The following SLC25A11 variants were observed in gnomAD, a reference collection of about 807,000 sequenced individuals.
SLC25A11 encodes solute carrier family 25 member 11.
SLC25A11 carries 11 observed loss-of-function variants against 32.7 expected under a neutral mutation model. The observed-to-expected ratio is 0.34, with a 90% CI of 0.21 to 0.56. SLC25A11 has a LOEUF of 0.56. SLC25A11 is among the 20% of genes least tolerant of loss of function. The probability of loss-of-function intolerance (pLI) is 0.90; values close to 1 mark genes in which losing one functional copy is unlikely to be tolerated. For missense variants in SLC25A11, 295 were observed against 426.3 expected, an observed-to-expected ratio of 0.69 and a Z score of 2.71; for synonymous variants, 163 against 168.3, an observed-to-expected ratio of 0.97 and a Z score of 0.24.
In SLC25A11 at chr17:4,937,627, G is replaced by T; in HGVS notation, c.*114C>A. The T allele has an allele frequency of 7.6e-7, 1 of 1,308,330 alleles. No homozygotes were observed. The highest frequency in any genetic ancestry group is 1.0e-6 in the Non-Finnish European group (1 of 962,008). 81.0% of individuals were successfully genotyped at this position (1,308,330 alleles called of 1,614,324 possible). On this transcript the variant is annotated 3_prime_UTR_variant, in exon 8 of 8. Transcript: ENST00000225665. ...ACAGACCAAGTCCTTTACCGCAGAG[G>T]AAGAAACCACACTGTGGAAGGGAAA... is the stretch of plus-strand genomic sequence containing the variant.
At position 4,938,743 on chromosome 17, in the gene SLC25A11, G is replaced by GGGTTA; in HGVS notation, c.455+21_455+25dup. Reference sequence around the variant, plus strand: ...TTCTAGATTCGAGGGAATGGGGCTGGGGTTAGGTTCAGACTTGGAACTCAC... The same window carrying GGGTTA: ...TTCTAGATTCGAGGGAATGGGGCTGGGGTTAGGTTAGGTTCAGACTTGGAACTCAC... On this transcript the variant is annotated intron_variant, in intron 3 of 7. Transcript: ENST00000225665. This position sits in a 1 kb window ranked among gnomAD's most constrained non-coding sequence, Gnocchi z 7.6. 6.2e-7 allele frequency: 1 copy of GGGTTA among 1,601,214 alleles called. No individual in the cohort carries two copies. Among genetic ancestry groups the GGGTTA allele is most frequent in the Non-Finnish European group, 8.5e-7 (1 of 1,170,898 alleles).
Position 4,937,658 on chromosome 17 carries a change from AG to A in SLC25A11, c.*82del. On this transcript the variant is annotated 3_prime_UTR_variant, in exon 8 of 8. Coordinates refer to ENST00000225665, the MANE Select transcript of SLC25A11 (RefSeq NM_003562.5). ...ACCACACTGTGGAAGGGAAATAAAT[AG>A]AGGGGTCCAGGGCAGCAGAGCCCAG... The A allele has an allele frequency of 6.9e-7, 1 of 1,459,740 alleles. No homozygotes were observed. The highest frequency in any genetic ancestry group is 2.4e-4 in the Middle Eastern group (1 of 4,140). 90.4% of individuals were successfully genotyped at this position (1,459,740 alleles called of 1,614,324 possible).
Position 4,938,083 on chromosome 17 carries a change from G to C in SLC25A11, c.738-9C>G, listed in dbSNP as rs780731260. 3 of 1,614,176 alleles carry C rather than the reference G, an allele frequency of 1.9e-6. No homozygotes were observed. Among genetic ancestry groups the C allele is most frequent in the Non-Finnish European group, 2.5e-6 (3 of 1,180,040 alleles). On this transcript the variant is annotated splice_polypyrimidine_tract_variant and intron_variant, in intron 6 of 7. Coordinates refer to ENST00000225665, the MANE Select transcript of SLC25A11 (RefSeq NM_003562.5). This position sits in a 1 kb window ranked among gnomAD's most constrained non-coding sequence, Gnocchi z 7.6. Reference sequence around the variant, plus strand: ...TCCGCATGTTCTGGATTCTGCAGGAGAGGACGCAGGGGCATGAGAGACCGA... The same window carrying C: ...TCCGCATGTTCTGGATTCTGCAGGACAGGACGCAGGGGCATGAGAGACCGA...
rs1041234642 is a variant in SLC25A11 at position 4,938,347 on chromosome 17, A to G, written c.629T>C (p.Leu210Pro). Residue 210 changes from leucine (L) to proline (P), a missense_variant, in exon 5 of 8, where the codon CTG becomes CCG. This residue lies in a region of SLC25A11 where 142 missense variants were observed against 197.8 expected (regional missense o/e 0.72). Transcript: ENST00000225665. The surrounding 1 kb of genome is among the most constrained non-coding windows in gnomAD (Gnocchi z 7.6). Reference sequence around the variant, plus strand: ...CCAGCTCTGGATCTCACCTGAGTCCAGTAAGAACTGCTTGGATTGGGAGTA... The same window carrying G: ...CCAGCTCTGGATCTCACCTGAGTCCGGTAAGAACTGCTTGGATTGGGAGTA... ...ASYSQSKQFL[L>P]DSGYFSDNIL... 1 of 1,614,164 alleles carries G rather than the reference A, an allele frequency of 6.2e-7. No individual in the cohort carries two copies.
Position 4,938,531 on chromosome 17 carries a change from C to T in SLC25A11, c.527G>A (p.Gly176Asp). 6.2e-7 allele frequency: 1 copy of T among 1,614,072 alleles called. No homozygotes were observed. Among genetic ancestry groups the T allele is most frequent in the Non-Finnish European group, 8.5e-7 (1 of 1,179,952 alleles). Residue 176 changes from glycine to aspartate, a missense_variant, in exon 4 of 8, where the codon GGT becomes GAT. Physicochemically the swap from Gly to Asp is moderately conservative, Grantham distance 94. Around this residue, in one of 3 missense-constraint regions of SLC25A11, gnomAD observed 142 missense variants for 197.8 expected, o/e 0.72. Coordinates refer to ENST00000225665, the MANE Select transcript of SLC25A11 (RefSeq NM_003562.5). This position sits in a 1 kb window ranked among gnomAD's most constrained non-coding sequence, Gnocchi z 7.6. ...NALIRITREE[G>D]VLTLWRGCIP... ...ACTCACCCGCCACAGTGTGAGGACA[C>T]CCTCTTCCCGGGTGATTCGAATCAG... is the stretch of plus-strand genomic sequence containing the variant.
Position 4,939,831 on chromosome 17 carries a change from A to G in SLC25A11, c.80T>C (p.Phe27Ser). The G allele has an allele frequency of 1.2e-6, 2 of 1,612,570 alleles. No homozygotes were observed. Among genetic ancestry groups the G allele is most frequent in the Non-Finnish European group, 8.5e-7 (1 of 1,179,576 alleles). ...CTGAGCTTACCCGGCCAGGCCCCCAAACAGGAACTTGACGGACTTAGGGGA... is the reference window on the plus strand; with the variant it reads ...CTGAGCTTACCCGGCCAGGCCCCCAGACAGGAACTTGACGGACTTAGGGGA... ...RTSPKSVKFL[F>S]GGLAGMGATV... The change falls in exon 1 of 8, where the codon TTT becomes TCT. Residue 27 changes from phenylalanine to serine, a missense_variant. Transcript: ENST00000225665. This position sits in a 1 kb window ranked among gnomAD's most constrained non-coding sequence, Gnocchi z 4.1.
At position 4,937,702 on chromosome 17, in the gene SLC25A11, G is replaced by C. The variant is rs974738765; in HGVS notation, c.*39C>G. The C allele has an allele frequency of 6.4e-7, 1 of 1,573,784 alleles. No homozygotes were observed. Among genetic ancestry groups the C allele is most frequent in the Non-Finnish European group, 8.6e-7 (1 of 1,161,228 alleles). ...GAGCCCAGGCCCCCAGGGCGCAGTG[G>C]CTATAGGCGCAGCAGGCGAGTGGGA... is the stretch of plus-strand genomic sequence containing the variant. On this transcript the variant is annotated 3_prime_UTR_variant, in exon 8 of 8. Coordinates refer to ENST00000225665, the MANE Select transcript of SLC25A11 (RefSeq NM_003562.5).
At position 4,939,206 on chromosome 17, in the gene SLC25A11, T is replaced by C. The variant is rs1316851041; in HGVS notation, c.102A>G (p.Gly34=). 6.2e-7 allele frequency: 1 copy of C among 1,604,196 alleles called. No individual in the cohort carries two copies. Among genetic ancestry groups the C allele is most frequent in the Non-Finnish European group, 8.5e-7 (1 of 1,171,854 alleles). Residue 34 remains glycine (G), a synonymous_variant, in exon 2 of 8, where the codon GGA becomes GGG. Coordinates refer to ENST00000225665, the MANE Select transcript of SLC25A11 (RefSeq NM_003562.5). This position sits in a 1 kb window ranked among gnomAD's most constrained non-coding sequence, Gnocchi z 4.1. ...KFLFGGLAGM[G]ATVFVQPLDL... is the part of the protein sequence containing the mutation. ...CCAGGGGCTGGACAAAAACTGTAGC[T>C]CCCATCCTGGGGGAAGACAGAGGTG...
chr17:4,937,677 G>A lies in SLC25A11; in HGVS notation c.*64C>T, dbSNP rs1970455134. The A allele has an allele frequency of 1.3e-6, 2 of 1,518,334 alleles. No homozygotes were observed. The highest frequency in any genetic ancestry group is 1.4e-5 in the African/African-American group (1 of 71,748). The allele number at this position is 1,518,334 out of a possible 1,614,324, so 94.1% of individuals were successfully genotyped here. A position where few individuals can be genotyped will look rare whatever the true frequency, so the allele number is the denominator to read the frequency against. Reference sequence around the variant, plus strand: ...ATAAATAGAGGGGTCCAGGGCAGCAGAGCCCAGGCCCCCAGGGCGCAGTGG... The same window carrying A: ...ATAAATAGAGGGGTCCAGGGCAGCAAAGCCCAGGCCCCCAGGGCGCAGTGG... On this transcript the variant is annotated 3_prime_UTR_variant, in exon 8 of 8. Transcript: ENST00000225665.
chr17:4,938,724 A>G lies in SLC25A11; in HGVS notation c.455+45T>C. Reference sequence around the variant, plus strand: ...TAAAAAACTGGTCCTTTCATTCTAGATTCGAGGGAATGGGGCTGGGGTTAG... The same window carrying G: ...TAAAAAACTGGTCCTTTCATTCTAGGTTCGAGGGAATGGGGCTGGGGTTAG... On this transcript the variant is annotated intron_variant, in intron 3 of 7. Transcript: ENST00000225665. The surrounding 1 kb of genome is among the most constrained non-coding windows in gnomAD (Gnocchi z 7.6). The G allele has an allele frequency of 6.3e-7, 1 of 1,596,440 alleles. No individual in the cohort carries two copies. The highest frequency in any genetic ancestry group is 8.6e-7 in the Non-Finnish European group (1 of 1,167,042).
At position 4,938,349 on chromosome 17, in the gene SLC25A11, T is replaced by C. The variant is rs752577712; in HGVS notation, c.627A>G (p.Leu209=). ...LASYSQSKQF[L]LDSGYFSDNI... is the part of the protein sequence containing the mutation. ...AGCTCTGGATCTCACCTGAGTCCAGTAAGAACTGCTTGGATTGGGAGTAGG... is the reference window on the plus strand; with the variant it reads ...AGCTCTGGATCTCACCTGAGTCCAGCAAGAACTGCTTGGATTGGGAGTAGG... Residue 209 remains leucine (L), a synonymous_variant, in exon 5 of 8, where the codon TTA becomes TTG. Coordinates refer to ENST00000225665, the MANE Select transcript of SLC25A11 (RefSeq NM_003562.5). This position sits in a 1 kb window ranked among gnomAD's most constrained non-coding sequence, Gnocchi z 7.6. The C allele has an allele frequency of 9.9e-6, 16 of 1,613,996 alleles. No homozygotes were observed. Among genetic ancestry groups the C allele is most frequent in the Admixed American group, 1.7e-5 (1 of 60,008 alleles).
Position 4,939,921 on chromosome 17 carries a change from T to C in SLC25A11, c.-11A>G, listed in dbSNP as rs541501786. 7 of 1,606,564 alleles carry C rather than the reference T, an allele frequency of 4.4e-6. No homozygotes were observed. The highest frequency in any genetic ancestry group is 2.3e-5 in the East Asian group (1 of 44,354). ...CGCCGTCGCCGCCATCGCCACTCAA[T>C]GGCCCTCGGCTCCGGGTCCCGTGCG... On this transcript the variant is annotated 5_prime_UTR_variant, in exon 1 of 8. Coordinates refer to ENST00000225665, the MANE Select transcript of SLC25A11 (RefSeq NM_003562.5). This position sits in a 1 kb window ranked among gnomAD's most constrained non-coding sequence, Gnocchi z 4.1.
Position 4,938,586 on chromosome 17 carries a change from G to A in SLC25A11, c.472C>T (p.Arg158Cys), listed in dbSNP as rs371448058. ...TADGRLPADQ[R>C]RGYKNVFNAL... is the part of the protein sequence containing the mutation. ...TTAAACACATTTTTGTAGCCACGGC[G>A]CTGGTCAGCTGGAAGCCTGGTGGGA... is the stretch of plus-strand genomic sequence containing the variant. The change falls in exon 4 of 8, where the codon CGC becomes TGC. Residue 158 changes from arginine to cysteine, a missense_variant. Around this residue, in one of 3 missense-constraint regions of SLC25A11, gnomAD observed 49 missense variants for 106.9 expected, o/e 0.46. Transcript: ENST00000225665. The surrounding 1 kb of genome is among the most constrained non-coding windows in gnomAD (Gnocchi z 7.6). 5.0e-6 allele frequency: 8 copies of A among 1,614,036 alleles called. No homozygotes were observed. The highest frequency in any genetic ancestry group is 4.5e-5 in the East Asian group (2 of 44,886).
chr17:4,937,981 G>C (rs778734764), intron 7 of SLC25A11, 42 bp downstream of exon 7: 4 of 1,613,222 alleles, frequency 2.5e-6, no homozygotes, highest in South Asian at 1.1e-5. Flanking sequence ...TTTCCCAGGG[G>C]ATCCGACACC....
In SLC25A11 at chr17:4,940,030, GA is replaced by G. The variant is rs1970623773; in HGVS notation, c.-121del. 8.1e-6 allele frequency: 5 copies of G among 618,258 alleles called. No homozygotes were observed. The highest frequency in any genetic ancestry group is 1.0e-5 in the Non-Finnish European group (4 of 395,288). 38.3% of individuals were successfully genotyped at this position (618,258 alleles called of 1,614,324 possible). A position where few individuals can be genotyped will look rare whatever the true frequency, so the allele number is the denominator to read the frequency against. ...GCACGCCCCTCCAGCTCTCAGGTCC[GA>G]CACCCGCTGGAAGCCGGCGCGGGCG... On this transcript the variant is annotated 5_prime_UTR_variant, in exon 1 of 8. Transcript: ENST00000225665.
Position 4,937,697 on chromosome 17 carries a change from C to A in SLC25A11, c.*44G>T. ...CAGCAGAGCCCAGGCCCCCAGGGCGCAGTGGCTATAGGCGCAGCAGGCGAG... is the reference window on the plus strand; with the variant it reads ...CAGCAGAGCCCAGGCCCCCAGGGCGAAGTGGCTATAGGCGCAGCAGGCGAG... On this transcript the variant is annotated 3_prime_UTR_variant, in exon 8 of 8. Coordinates refer to ENST00000225665, the MANE Select transcript of SLC25A11 (RefSeq NM_003562.5). 1 of 1,557,000 alleles carries A rather than the reference C, an allele frequency of 6.4e-7. No individual in the cohort carries two copies. The highest frequency in any genetic ancestry group is 8.7e-7 in the Non-Finnish European group (1 of 1,153,910).
In SLC25A11 at chr17:4,940,045, C is replaced by G. The variant is rs75665547; in HGVS notation, c.-135G>C. The G allele has an allele frequency of 0.022, 12,204 of 547,210 alleles. 168 individuals carry two copies. The highest frequency in any genetic ancestry group is 0.042 in the African/African-American group (2,100 of 49,934). 33.9% of individuals were successfully genotyped at this position (547,210 alleles called of 1,614,324 possible). ...TCTCAGGTCCGACACCCGCTGGAAGCCGGCGCGGGCGCAGGCGCGCAGCGC... is the reference window on the plus strand; with the variant it reads ...TCTCAGGTCCGACACCCGCTGGAAGGCGGCGCGGGCGCAGGCGCGCAGCGC... On this transcript the variant is annotated 5_prime_UTR_variant, in exon 1 of 8. Transcript: ENST00000225665.
chr17:4,937,813 G>C lies in SLC25A11; in HGVS notation c.873C>G (p.Pro291=). 6.2e-7 allele frequency: 1 copy of C among 1,614,186 alleles called. No individual in the cohort carries two copies. Among genetic ancestry groups the C allele is most frequent in the Non-Finnish European group, 8.5e-7 (1 of 1,180,020 alleles). ...AGAAGATGAAGGTGAGGACGGTGTGGGGGCCCAGGCGGGCATAGTACGGCG... is the reference window on the plus strand; with the variant it reads ...AGAAGATGAAGGTGAGGACGGTGTGCGGGCCCAGGCGGGCATAGTACGGCG... ...GFTPYYARLG[P]HTVLTFIFLE... is the part of the protein sequence containing the mutation. Residue 291 remains proline (P), a synonymous_variant, in exon 8 of 8, where the codon CCC becomes CCG. Transcript: ENST00000225665.
Position 4,937,724 on chromosome 17 carries a change from G to A in SLC25A11, c.*17C>T. ...GTGGCTATAGGCGCAGCAGGCGAGT[G>A]GGAGCCCCCGGCCGCTTCAGCCACT... On this transcript the variant is annotated 3_prime_UTR_variant, in exon 8 of 8. Coordinates refer to ENST00000225665, the MANE Select transcript of SLC25A11 (RefSeq NM_003562.5). The A allele has an allele frequency of 1.3e-6, 2 of 1,593,596 alleles. No homozygotes were observed. The highest frequency in any genetic ancestry group is 1.7e-6 in the Non-Finnish European group (2 of 1,169,778).
Sources: gnomAD v4.1 joint callset for allele counts on GRCh38, gnomAD v4.1.1 for gene constraint, gnomAD v4.1.1 regional missense constraint, Gnocchi (gnomAD v3.1) non-coding constraint, MANE v1.5 for transcripts, NCBI Gene and HGNC (gene_info 2026-07-23, HGNC 2026-07-21) for gene names.